YIPF1: variants seen among roughly 807,000 people sequenced by gnomAD.
The protein encoded by YIPF1 is protein YIPF1.
In YIPF1, 22 loss-of-function variants were observed where a neutral mutation model predicts 37.0. That is an observed-to-expected ratio of 0.59 (90% CI 0.42 to 0.85). YIPF1 has a LOEUF of 0.85. Ranked by LOEUF, YIPF1 falls within the 40% of genes least tolerant of loss-of-function variation. The pLI is 0.00. For synonymous variants in YIPF1, 128 were observed against 131.9 expected (o/e 0.97, Z 0.21); for missense variants, 355 against 373.1 (o/e 0.95, Z 0.40).
intron 10 of YIPF1, among the ~76,000 whole-genome samples, chr1:53,854,392 C>T (rs1449934759): frequency 6.6e-6 from 1 of 152,224 alleles, no homozygotes. Context: ...AAGTTGGTCC[C>T]TAATGTCACC....
At chr1:53,878,752 C>T in intron 4 of YIPF1, 30 bp from the exon 5 acceptor site, 4 of 1,577,636 alleles carry the variant, frequency 2.5e-6, no homozygotes, top group Non-Finnish European at 3.4e-6. Flanking sequence ...ACATAATGAA[C>T]ACATAAGCAA....
chr1:53,853,076 T>C (rs1330748306), intron 10 of YIPF1, among the ~76,000 whole-genome samples: 1 of 152,136 alleles, frequency 6.6e-6, no homozygotes, highest in East Asian at 1.9e-4. Context: ...TCTACCTTGA[T>C]GCTGAGGTTT....
At chr1:53,866,066 T>G in intron 9 of YIPF1, 134 bp downstream of exon 9, 1 of 1,159,340 alleles carries the variant, frequency 8.6e-7, no homozygotes, top group Non-Finnish European at 1.2e-6. Flanking sequence ...TCCCAAAGTA[T>G]TGGGATTATG....
intron 7 of YIPF1, among the ~76,000 whole-genome samples, chr1:53,870,572 T>G (rs368462081): frequency 5.3e-5 from 8 of 152,152 alleles, no homozygotes; most frequent in Admixed American, 5.2e-4. Context: ...TGACTGGCAA[T>G]TGCAGATGAC....
At chr1:53,869,770 G>A (rs1308219780) in intron 7 of YIPF1, among the ~76,000 whole-genome samples, 4 of 151,950 alleles carry the variant, frequency 2.6e-5, no homozygotes, top group South Asian at 2.1e-4. Context: ...AAGAAAGGAC[G>A]TTTTAAAACA....
intron 6 of YIPF1, among the ~76,000 whole-genome samples, chr1:53,872,353 C>A (rs1650215583): frequency 6.6e-6 from 1 of 152,024 alleles, no homozygotes; most frequent in South Asian, 2.1e-4. Context: ...ACATATATGT[C>A]CTCCTGTGTA....
At chr1:53,858,449 G>A (rs1649781046) in intron 10 of YIPF1, among the ~76,000 whole-genome samples, 1 of 152,168 alleles carries the variant, frequency 6.6e-6, no homozygotes, top group Non-Finnish European at 1.5e-5. Context: ...GAGAGTGGCA[G>A]TAGCTTTGAT....
intron 3 of YIPF1, among the ~76,000 whole-genome samples, chr1:53,885,837 A>AAG (rs1557612324): frequency 1.3e-5 from 2 of 149,976 alleles, no homozygotes. Flanking sequence ...AAAAAAAAAA[A>AAG]AGAGAGAAAA....
intron 9 of YIPF1, among the ~76,000 whole-genome samples, chr1:53,860,586 T>G (rs1649844758): frequency 6.6e-6 from 1 of 152,220 alleles, no homozygotes; most frequent in Non-Finnish European, 1.5e-5. Flanking sequence ...GGGCAAAGAC[T>G]TCTTCATCTT....
intron 9 of YIPF1, among the ~76,000 whole-genome samples, chr1:53,862,665 C>T (rs1649914356): frequency 6.6e-6 from 1 of 152,152 alleles, no homozygotes; most frequent in Non-Finnish European, 1.5e-5. Flanking sequence ...AGTGAGGAAG[C>T]CAAGCTGTCT....
chr1:53,889,044 A>G, intron 2 of YIPF1, 58 bp from the exon 3 acceptor site: 1 of 906,820 alleles, frequency 1.1e-6, no homozygotes, highest in Non-Finnish European at 1.8e-6. Context: ...TCTGCAAACA[A>G]CTCTTATGTA....
intron 10 of YIPF1, among the ~76,000 whole-genome samples, chr1:53,853,789 C>T (rs1209468166): frequency 2.0e-5 from 3 of 152,164 alleles, no homozygotes; most frequent in African/African-American, 4.8e-5. Context: ...CTTTTAGTAA[C>T]CATCAACTTG....
At chr1:53,889,173 C>T (rs1557613667) in intron 2 of YIPF1, 71 bp downstream of exon 2, 1 of 419,346 alleles carries the variant, frequency 2.4e-6, no homozygotes, top group East Asian at 3.3e-5. Flanking sequence ...AAGAAACTAA[C>T]CCCGGGGATC....
chr1:53,873,362 G>T (rs1400460304), intron 6 of YIPF1, among the ~76,000 whole-genome samples: 4 of 152,208 alleles, frequency 2.6e-5, no homozygotes, highest in Non-Finnish European at 5.9e-5. Context: ...AGAGGTCCGT[G>T]AAGAGGGAAT....
At chr1:53,878,061 C>T (rs962033314) in intron 6 of YIPF1, among the ~76,000 whole-genome samples, 1 of 152,222 alleles carries the variant, frequency 6.6e-6, no homozygotes, top group Non-Finnish European at 1.5e-5. Flanking sequence ...GGATTATAGG[C>T]ATGAGCCACT....
Position 53,866,830 on chromosome 1 carries a change from G to T in YIPF1, c.576C>A (p.Asn192Lys), listed in dbSNP as rs748372059. 1 of 1,614,190 alleles carries T rather than the reference G, an allele frequency of 6.2e-7. No individual in the cohort carries two copies. Among genetic ancestry groups the T allele is most frequent in the South Asian group, 1.1e-5 (1 of 91,074 alleles). Residue 192 changes from asparagine (N) to lysine (K), a missense_variant, in exon 8 of 11, where the codon AAC becomes AAA. Physicochemically the swap from Asn to Lys is moderately conservative, Grantham distance 94. Transcript: ENST00000072644. ...TCTCCAGAAATGAATAGGAGACGAT[G>T]TTCATAACTTTGCTGTTTCTCCACA... ...FLMWRNSKVM[N>K]IVSYSFLEIV...
intron 3 of YIPF1, 41 bp downstream of exon 3, chr1:53,888,864 AAC>A (rs1326110561): frequency 6.5e-7 from 1 of 1,533,970 alleles, no homozygotes; most frequent in Non-Finnish European, 8.9e-7. Flanking sequence ...TGACTGTAGC[AAC>A]AGTGATCATA....
At chr1:53,886,368 T>G (rs1457298598) in intron 3 of YIPF1, among the ~76,000 whole-genome samples, 1 of 151,956 alleles carries the variant, frequency 6.6e-6, no homozygotes, top group Non-Finnish European at 1.5e-5. Context: ...TCTCAGCTCC[T>G]TGAGCATAAA....
chr1:53,870,160 CTTTTTTT>C (rs753978320), intron 7 of YIPF1, among the ~76,000 whole-genome samples: 42,262 of 91,522 alleles, frequency 0.46, 8,829 homozygotes, highest in East Asian at 0.62. Context: ...CACCGGGTCT[CTTTTTTT>C]TTTTTTTTTT....
Sources: gnomAD v4.1 joint callset for allele counts (sites outside exome capture counted in the v4.1 genomes callset) on GRCh38, gnomAD v4.1.1 for gene constraint, MANE v1.5 for transcripts, NCBI Gene and HGNC (gene_info 2026-07-23, HGNC 2026-07-21) for gene names.